The following SPOCK1 variants were observed in gnomAD, a reference collection of about 807,000 sequenced individuals.
SPOCK1 encodes the protein SPARC (osteonectin), cwcv and kazal like domains proteoglycan 1.
A neutral mutation model predicts 55.3 loss-of-function variants in SPOCK1; 23 were observed. That is an observed-to-expected ratio of 0.42 (90% confidence interval 0.30 to 0.59). The LOEUF (loss-of-function observed/expected upper bound fraction) is 0.59. SPOCK1 is among the 20% of genes least tolerant of loss of function. SPOCK1 has a pLI of 0.22. For missense variants in SPOCK1, 499 were observed against 552.5 expected, an observed-to-expected ratio of 0.90 and a Z score of 0.97; for synonymous variants, 226 against 221.0, an observed-to-expected ratio of 1.02 and a Z score of -0.20.
At chr5:137,357,041 A>G (rs529988364) in intron 2 of SPOCK1, among the ~76,000 whole-genome samples, 16 of 151,258 alleles carry the variant, frequency 1.1e-4, no homozygotes, top group South Asian at 8.4e-4. Flanking sequence ...TGACCTGGCC[A>G]TTAGCAAAGA....
At chr5:137,116,786 C>T (rs1416988560) in intron 4 of SPOCK1, among the ~76,000 whole-genome samples, 1 of 152,084 alleles carries the variant, frequency 6.6e-6, no homozygotes, top group Non-Finnish European at 1.5e-5. Context: ...GCACACTGAC[C>T]ACGACCAACA....
At chr5:137,284,670 T>C (rs1236210227) in intron 2 of SPOCK1, among the ~76,000 whole-genome samples, 2 of 152,176 alleles carry the variant, frequency 1.3e-5, no homozygotes, top group Admixed American at 6.5e-5. Context: ...ATTACAAATT[T>C]TGAGACTGTC....
chr5:136,989,356 G>T (rs891986118), intron 7 of SPOCK1, among the ~76,000 whole-genome samples: 1 of 152,124 alleles, frequency 6.6e-6, no homozygotes, highest in Non-Finnish European at 1.5e-5. Context: ...CTCAACACTC[G>T]GGATATTGAG....
Position 137,363,347 on chromosome 5 carries a change from G to A in SPOCK1, c.187-96292C>T, listed in dbSNP as rs115252179. On this transcript the variant is annotated intron_variant, in intron 2 of 10. Transcript: ENST00000394945. ...TCTACACAAGACACTGCTAAGAAGT[G>A]ACCCCACTCAGAACTTGTAAATATT... Among the ~76,000 whole-genome samples the A allele has an allele frequency of 3.7e-3, 560 of 152,314 alleles. 6 individuals carry two copies. Among genetic ancestry groups the A allele is most frequent in the African/African-American group, 0.013 (534 of 41,564 alleles).
At chr5:137,328,382 GAC>G (rs1758114433) in intron 2 of SPOCK1, among the ~76,000 whole-genome samples, 1 of 152,158 alleles carries the variant, frequency 6.6e-6, no homozygotes, top group Admixed American at 6.5e-5. Flanking sequence ...TCATTTAAAT[GAC>G]AAAAGAAAAA....
At chr5:137,335,708 C>A (rs1750256563) in intron 2 of SPOCK1, among the ~76,000 whole-genome samples, 1 of 152,320 alleles carries the variant, frequency 6.6e-6, no homozygotes, top group South Asian at 2.1e-4. Flanking sequence ...GTATGTGTCC[C>A]CAGAAAGGGT....
chr5:137,351,360 G>A (rs907414489), intron 2 of SPOCK1, among the ~76,000 whole-genome samples: 1 of 152,230 alleles, frequency 6.6e-6, no homozygotes, highest in Non-Finnish European at 1.5e-5. Context: ...CTTCTTGCTA[G>A]GTGGTTGTAT....
intron 6 of SPOCK1, among the ~76,000 whole-genome samples, chr5:137,063,240 A>C (rs1320133725): frequency 2.4e-5 from 1 of 41,168 alleles, no homozygotes; most frequent in African/African-American, 4.7e-5. Context: ...ACTCCATCTC[A>C]AAAAAAAAAA....
intron 2 of SPOCK1, among the ~76,000 whole-genome samples, chr5:137,493,689 A>T (rs1405376560): frequency 6.6e-6 from 1 of 152,098 alleles, no homozygotes; most frequent in Admixed American, 6.5e-5. Flanking sequence ...AGGATCACAA[A>T]CTCATTTAAG....
intron 2 of SPOCK1, among the ~76,000 whole-genome samples, chr5:137,487,584 C>G (rs956589637): frequency 6.6e-6 from 1 of 152,128 alleles, no homozygotes; most frequent in Admixed American, 6.5e-5. Context: ...AAGCCAACGT[C>G]AGAGTCAATT....
intron 2 of SPOCK1, among the ~76,000 whole-genome samples, chr5:137,474,663 T>C (rs1207465830): frequency 6.6e-6 from 1 of 152,094 alleles, no homozygotes; most frequent in Non-Finnish European, 1.5e-5. Flanking sequence ...GAGTGAGTGC[T>C]CAAAAGAACA....
At chr5:136,979,822 T>C (rs1750694903) in intron 9 of SPOCK1, among the ~76,000 whole-genome samples, 1 of 152,196 alleles carries the variant, frequency 6.6e-6, no homozygotes, top group Non-Finnish European at 1.5e-5. Flanking sequence ...CATACCATCA[T>C]TACCTTTTAA....
intron 2 of SPOCK1, among the ~76,000 whole-genome samples, chr5:137,279,629 G>A (rs1757132375): frequency 6.6e-6 from 1 of 152,224 alleles, no homozygotes; most frequent in East Asian, 1.9e-4. Flanking sequence ...GCTCTACTCA[G>A]TGTCTCCTGC....
intron 2 of SPOCK1, among the ~76,000 whole-genome samples, chr5:137,340,619 G>A (rs1044020563): frequency 7.9e-5 from 12 of 152,150 alleles, no homozygotes; most frequent in African/African-American, 2.4e-5. Context: ...GGTGGCTCAC[G>A]CCTGTAATCC....
intron 5 of SPOCK1, among the ~76,000 whole-genome samples, chr5:137,105,846 C>A (rs115555351): frequency 6.6e-6 from 1 of 152,116 alleles, no homozygotes; most frequent in South Asian, 2.1e-4. Context: ...TGTTTAACAG[C>A]AATTAAGGAA....
intron 6 of SPOCK1, among the ~76,000 whole-genome samples, chr5:136,998,506 C>A (rs1484492503): frequency 6.6e-6 from 1 of 152,220 alleles, no homozygotes; most frequent in African/African-American, 2.4e-5. Flanking sequence ...GCCATCCCCA[C>A]GTGCAGGACT....
At position 137,160,941 on chromosome 5, in the gene SPOCK1, A is replaced by G. The variant is rs1042562191; in HGVS notation, c.233-20247T>C. Among the ~76,000 whole-genome samples, 13 of 147,100 alleles carry G rather than the reference A, an allele frequency of 8.8e-5. No homozygotes were observed. The East Asian group carries it at 2.6e-3, about 29-fold the overall frequency. ...ACACACACATGTTTATAGTGGCACA[A>G]TTCATAATAGCAAAATCTTGGAACC... On this transcript the variant is annotated intron_variant, in intron 3 of 10. Transcript: ENST00000394945.
chr5:137,244,776 G>T (rs1240155559), intron 3 of SPOCK1, among the ~76,000 whole-genome samples: 1 of 152,026 alleles, frequency 6.6e-6, no homozygotes, highest in African/African-American at 2.4e-5. Flanking sequence ...GCACCTGCTG[G>T]TACCTGGGTG....
chr5:137,133,953 G>A (rs1753930721), intron 4 of SPOCK1, among the ~76,000 whole-genome samples: 1 of 151,738 alleles, frequency 6.6e-6, no homozygotes, highest in Admixed American at 6.6e-5. Flanking sequence ...CAGATGGGCT[G>A]GGGGTGGGGG....
Sources: allele counts gnomAD v4.1 joint callset (sites outside exome capture counted in the v4.1 genomes callset), GRCh38; gene constraint gnomAD v4.1.1; transcripts MANE v1.5; gene names NCBI Gene and HGNC (gene_info 2026-07-23, HGNC 2026-07-21).